SYPL1: variants seen among roughly 807,000 people sequenced by gnomAD.
SYPL1 encodes synaptophysin-like protein 1.
SYPL1 carries 6 observed loss-of-function variants against 23.7 expected under a neutral mutation model. The observed-to-expected ratio is 0.25, with a 90% CI of 0.14 to 0.50. The LOEUF (loss-of-function observed/expected upper bound fraction) is 0.50, where lower values mean the gene tolerates loss of function less well. Ranked by LOEUF, SYPL1 falls within the 20% of genes least tolerant of loss-of-function variation. SYPL1 has a pLI of 0.98. For synonymous variants in SYPL1, 102 were observed against 104.5 expected, an observed-to-expected ratio of 0.98 and a Z score of 0.15; for missense variants, 253 against 288.9, an observed-to-expected ratio of 0.88 and a Z score of 0.90.
At chr7:106,101,003 G>A (rs1372761425) in intron 1 of SYPL1, among the ~76,000 whole-genome samples, 8 of 151,988 alleles carry the variant, frequency 5.3e-5, no homozygotes, top group Admixed American at 5.2e-4. Flanking sequence ...CTTCCTTCAG[G>A]ACCTTTGCAC....
In SYPL1 at chr7:106,095,042, C is replaced by T. The variant is rs1167898045; in HGVS notation, c.403-1905G>A. 6.6e-6 allele frequency among the ~76,000 whole-genome samples: 1 copy of T among 152,102 alleles called. No individual in the cohort carries two copies. Among genetic ancestry groups the T allele is most frequent in the Non-Finnish European group, 1.5e-5 (1 of 68,014 alleles). On this transcript the variant is annotated intron_variant, in intron 3 of 4. Transcript: ENST00000455385. The surrounding 1 kb of genome is among the most constrained non-coding windows in gnomAD (Gnocchi z 4.3). ...GGCAGCTCTACTCCTCCCAACAATT[C>T]ACAATATGAGTCATAGATTTTTAGA...
rs1421956142 is a variant in SYPL1 at position 106,097,653 on chromosome 7, A to G, written c.402+37T>C. ...GAAAATCTATATTTAGCTTATACAA[A>G]TTATTTTTGTATTTAAAAAATAAAG... is the stretch of plus-strand genomic sequence containing the variant. On this transcript the variant is annotated intron_variant, in intron 3 of 4. Transcript: ENST00000455385. The surrounding 1 kb of genome is among the most constrained non-coding windows in gnomAD (Gnocchi z 4.6). The G allele has an allele frequency of 1.3e-6, 2 of 1,525,800 alleles. No homozygotes were observed. Among genetic ancestry groups the G allele is most frequent in the Admixed American group, 1.9e-5 (1 of 53,438 alleles). 94.5% of individuals were successfully genotyped at this position (1,525,800 alleles called of 1,614,324 possible).
At chr7:106,099,049 T>C (rs1840172687) in intron 2 of SYPL1, 109 bp downstream of exon 2, 3 of 1,363,992 alleles carry the variant, frequency 2.2e-6, no homozygotes, top group African/African-American at 2.9e-5. Flanking sequence ...CAAATGAGCA[T>C]ACAGTCTAAA....
intron 1 of SYPL1, among the ~76,000 whole-genome samples, chr7:106,101,788 AAAAAG>A (rs1467883179): frequency 4.0e-5 from 6 of 151,626 alleles, no homozygotes; most frequent in African/African-American, 7.3e-5. Flanking sequence ...AAAAAAAAAA[AAAAAG>A]AAAAGAAATG....
chr7:106,101,825 G>A (rs1840339511), intron 1 of SYPL1, among the ~76,000 whole-genome samples: 1 of 151,088 alleles, frequency 6.6e-6, no homozygotes, highest in Non-Finnish European at 1.5e-5. Flanking sequence ...TTGAACCAAT[G>A]GAGCAGAATA....
intron 1 of SYPL1, among the ~76,000 whole-genome samples, chr7:106,103,426 C>A (rs902404235): frequency 2.6e-5 from 4 of 152,286 alleles, no homozygotes; most frequent in Admixed American, 6.5e-5. Flanking sequence ...ACTAACCCAG[C>A]AGACTCTTTC....
rs950916391 is a variant in SYPL1 at position 106,104,655 on chromosome 7, CATA to C, written c.70-5376_70-5374del. ...AAATAAAACCATATTTTGAATCTTA[CATA>C]ATTATTATTTTAAAGCTTTTTGTTA... On this transcript the variant is annotated intron_variant, in intron 1 of 4. Transcript: ENST00000455385. The surrounding 1 kb of genome is among the most constrained non-coding windows in gnomAD (Gnocchi z 4.1). Among the ~76,000 whole-genome samples, 2 of 152,152 alleles carry C rather than the reference CATA, an allele frequency of 1.3e-5. No individual in the cohort carries two copies. Among genetic ancestry groups the C allele is most frequent in the African/African-American group, 2.4e-5 (1 of 41,444 alleles).
At chr7:106,107,698 T>C (rs1244764681) in intron 1 of SYPL1, among the ~76,000 whole-genome samples, 2 of 139,434 alleles carry the variant, frequency 1.4e-5, no homozygotes, top group African/African-American at 2.8e-5. Flanking sequence ...GCTGAGATCA[T>C]GCCACTGCAC....
At chr7:106,093,547 C>CTATTAACTCTGTA (rs142698513) in intron 3 of SYPL1, among the ~76,000 whole-genome samples, 1 of 128,936 alleles carries the variant, frequency 7.8e-6, no homozygotes, top group Non-Finnish European at 1.8e-5. Context: ...GTCTCTGGCA[C>CTATTAACTCTGTA]CCCAATCCTA....
chr7:106,101,629 C>A (rs911820743), intron 1 of SYPL1, among the ~76,000 whole-genome samples: 7 of 151,628 alleles, frequency 4.6e-5, no homozygotes, highest in Non-Finnish European at 1.0e-4. Flanking sequence ...GTCATGAAAT[C>A]ATTTTTCATT....
rs1790018926 is a variant in SYPL1 at position 106,109,224 on chromosome 7, A to C, written c.69+2916T>G. On this transcript the variant is annotated intron_variant, in intron 1 of 4. Coordinates refer to ENST00000455385, the MANE Select transcript of SYPL1 (RefSeq NM_182715.4). The surrounding 1 kb of genome is among the most constrained non-coding windows in gnomAD (Gnocchi z 4.3). Reference sequence around the variant, plus strand: ...TCCAGAGAATGCATTTAAGCAACTGAGTTGTAAGCTGAACTAGTGGCTTTT... The same window carrying C: ...TCCAGAGAATGCATTTAAGCAACTGCGTTGTAAGCTGAACTAGTGGCTTTT... 6.6e-6 allele frequency among the ~76,000 whole-genome samples: 1 copy of C among 152,220 alleles called. No homozygotes were observed. Among genetic ancestry groups the C allele is most frequent in the African/African-American group, 2.4e-5 (1 of 41,442 alleles).
At chr7:106,092,874 G>T in intron 4 of SYPL1, 75 bp downstream of exon 4, 1 of 1,224,012 alleles carries the variant, frequency 8.2e-7, no homozygotes, top group Non-Finnish European at 1.1e-6. Context: ...TTTACTGAAA[G>T]CTATTGCTTT....
upstream of SYPL1, chr7:106,112,353 G>A (rs1261076382): frequency 2.4e-6 from 3 of 1,259,086 alleles, no homozygotes; most frequent in Non-Finnish European, 3.0e-6. Flanking sequence ...GCCGTGGGGC[G>A]GGGCGGGGCG....
At chr7:106,112,058 C>A in intron 1 of SYPL1, 82 bp downstream of exon 1, 1 of 1,234,892 alleles carries the variant, frequency 8.1e-7, no homozygotes, top group Non-Finnish European at 1.0e-6. Flanking sequence ...AGGGCTGCGT[C>A]CCGGCTCGCA....
intron 2 of SYPL1, among the ~76,000 whole-genome samples, chr7:106,098,254 G>A (rs899528545): frequency 6.6e-6 from 1 of 152,182 alleles, no homozygotes; most frequent in African/African-American, 2.4e-5. Flanking sequence ...CTAGCCCCAA[G>A]AGAGCCAATC....
At chr7:106,092,782 T>C (rs1367652544) in intron 4 of SYPL1, 167 bp downstream of exon 4, 3 of 639,318 alleles carry the variant, frequency 4.7e-6, no homozygotes, top group Non-Finnish European at 7.8e-6. Context: ...GTAATACTTT[T>C]TTTAGACAAA....
At chr7:106,112,531 C>T (rs987862761), upstream of SYPL1, 4 of 1,514,150 alleles carry the variant, frequency 2.6e-6, no homozygotes, top group Non-Finnish European at 2.6e-6. Context: ...GGGCGCCATA[C>T]TGCGTGCGCC....
chr7:106,092,672 C>CAAAAA (rs549863505), intron 4 of SYPL1: 87 of 271,580 alleles, frequency 3.2e-4, no homozygotes, highest in Middle Eastern at 9.3e-4. Flanking sequence ...AACTCCATCT[C>CAAAAA]AAAAAAAAAA....
At position 106,104,891 on chromosome 7, in the gene SYPL1, T is replaced by A. The variant is rs1840515037; in HGVS notation, c.70-5609A>T. 6.6e-6 allele frequency among the ~76,000 whole-genome samples: 1 copy of A among 152,222 alleles called. No individual in the cohort carries two copies. The highest frequency in any genetic ancestry group is 6.5e-5 in the Admixed American group (1 of 15,284). On this transcript the variant is annotated intron_variant, in intron 1 of 4. Coordinates refer to ENST00000455385, the MANE Select transcript of SYPL1 (RefSeq NM_182715.4). The surrounding 1 kb of genome is among the most constrained non-coding windows in gnomAD (Gnocchi z 4.1). Reference sequence around the variant, plus strand: ...GTTGGTAAAACCCGGCCTGCAAATATATTTGTGTGGCCTTTCCAGTATTAC... The same window carrying A: ...GTTGGTAAAACCCGGCCTGCAAATAAATTTGTGTGGCCTTTCCAGTATTAC...
Sources: gnomAD v4.1 joint callset for allele counts (sites outside exome capture counted in the v4.1 genomes callset) on GRCh38, gnomAD v4.1.1 for gene constraint, Gnocchi (gnomAD v3.1) non-coding constraint, MANE v1.5 for transcripts, NCBI Gene and HGNC (gene_info 2026-07-23, HGNC 2026-07-21) for gene names.